The following LRMDA variants were observed in gnomAD, a reference collection of about 807,000 sequenced individuals.
The protein encoded by LRMDA is leucine-rich melanocyte differentiation-associated protein.
In LRMDA, 18 loss-of-function variants were observed where a neutral mutation model predicts 29.8. The observed-to-expected ratio is 0.60, with a 90% confidence interval of 0.42 to 0.90. The LOEUF is 0.90. Among genes scored for constraint, LRMDA ranks in the 40% least tolerant of loss-of-function variants. The probability of loss-of-function intolerance (pLI) is 0.00; values close to 1 mark genes in which losing one functional copy is unlikely to be tolerated. For synonymous variants in LRMDA, 125 were observed against 109.4 expected (o/e 1.14, Z -0.89); for missense variants, 273 against 273.9 (o/e 1.00, Z 0.02).
At chr10:76,215,790 T>A (rs553090421) in intron 5 of LRMDA, among the ~76,000 whole-genome samples, 1 of 152,182 alleles carries the variant, frequency 6.6e-6, no homozygotes, top group African/African-American at 2.4e-5. Context: ...AATAGATTGA[T>A]AAAATGTGGT....
intron 5 of LRMDA, among the ~76,000 whole-genome samples, chr10:76,150,170 C>T (rs372585060): frequency 3.3e-5 from 5 of 152,218 alleles, no homozygotes; most frequent in Admixed American, 6.5e-5. Flanking sequence ...AGCCCCTCCG[C>T]GCTACACACT....
chr10:76,106,910 A>G (rs567612374), intron 5 of LRMDA, among the ~76,000 whole-genome samples: 7 of 152,286 alleles, frequency 4.6e-5, no homozygotes, highest in Admixed American at 1.3e-4. Flanking sequence ...CTTTTGCCAG[A>G]CTGAGGAGAG....
chr10:75,495,835 C>T (rs992477971), intron 2 of LRMDA, among the ~76,000 whole-genome samples: 2 of 152,184 alleles, frequency 1.3e-5, no homozygotes, highest in Non-Finnish European at 2.9e-5. Flanking sequence ...CTGTTGCAAA[C>T]CCAGGTGGTG....
At chr10:76,373,656 TAGAC>T (rs1361383771) in intron 6 of LRMDA, among the ~76,000 whole-genome samples, 1 of 152,134 alleles carries the variant, frequency 6.6e-6, no homozygotes, top group African/African-American at 2.4e-5. Flanking sequence ...GGCCAGTTCC[TAGAC>T]AGTTTTTTTT....
chr10:76,262,183 A>G (rs546764613), intron 5 of LRMDA, among the ~76,000 whole-genome samples: 39 of 152,296 alleles, frequency 2.6e-4, no homozygotes, highest in Non-Finnish European at 2.9e-5. Context: ...AGCTATGTGC[A>G]TGCCACTGTA....
intron 2 of LRMDA, among the ~76,000 whole-genome samples, chr10:75,849,963 G>GT (rs980050958): frequency 2.0e-5 from 3 of 152,050 alleles, no homozygotes; most frequent in African/African-American, 7.2e-5. Flanking sequence ...TTTGCTGAGT[G>GT]TTTTTTTACT....
chr10:75,904,173 G>A (rs1259191353), intron 2 of LRMDA, among the ~76,000 whole-genome samples: 1 of 152,158 alleles, frequency 6.6e-6, no homozygotes, highest in Non-Finnish European at 1.5e-5. Flanking sequence ...ATGATAAGTA[G>A]GGAGAGCATA....
At chr10:76,507,815 G>A (rs1842974250) in intron 6 of LRMDA, among the ~76,000 whole-genome samples, 1 of 151,902 alleles carries the variant, frequency 6.6e-6, no homozygotes, top group African/African-American at 2.4e-5. Flanking sequence ...AAATGCCTGG[G>A]TTTATTTCTG....
chr10:76,169,276 A>G (rs1468115583), intron 5 of LRMDA, among the ~76,000 whole-genome samples: 1 of 152,208 alleles, frequency 6.6e-6, no homozygotes, highest in Non-Finnish European at 1.5e-5. Context: ...ATTCAGCTCA[A>G]GGGAATATTG....
chr10:76,214,329 A>AAC (rs1851687474), intron 5 of LRMDA, among the ~76,000 whole-genome samples: 2 of 131,736 alleles, frequency 1.5e-5, no homozygotes, highest in East Asian at 2.4e-4. Flanking sequence ...ACTTGAACCA[A>AAC]ATTTTTTTTT....
chr10:75,978,900 G>A (rs1255864897), intron 2 of LRMDA, among the ~76,000 whole-genome samples: 9 of 152,026 alleles, frequency 5.9e-5, no homozygotes, highest in Admixed American at 2.0e-4. Flanking sequence ...AGTAAATGCC[G>A]GCATATAGAG....
chr10:75,717,699 T>C (rs1842518377), intron 2 of LRMDA, among the ~76,000 whole-genome samples: 1 of 152,198 alleles, frequency 6.6e-6, no homozygotes, highest in African/African-American at 2.4e-5. Context: ...AGTTGCTGCC[T>C]TCCTCCCCTT....
chr10:75,662,944 A>G (rs7068634), intron 2 of LRMDA, among the ~76,000 whole-genome samples: 20,677 of 152,196 alleles, frequency 0.14, 3,336 homozygotes, highest in African/African-American at 0.37. Flanking sequence ...TTGCGTAACC[A>G]TGGTCTGCTG....
chr10:75,600,413 T>C (rs957186324), intron 2 of LRMDA, among the ~76,000 whole-genome samples: 3 of 152,206 alleles, frequency 2.0e-5, no homozygotes, highest in Non-Finnish European at 2.9e-5. Flanking sequence ...CACTTCTGAA[T>C]TGTGCTTTTG....
intron 6 of LRMDA, among the ~76,000 whole-genome samples, chr10:76,447,817 C>T (rs1842368050): frequency 6.6e-6 from 1 of 152,174 alleles, no homozygotes; most frequent in African/African-American, 2.4e-5. Flanking sequence ...TTGCCTTTGT[C>T]TGTTTCTAAC....
chr10:76,127,241 T>C (rs1439523729), intron 5 of LRMDA, among the ~76,000 whole-genome samples: 1 of 152,152 alleles, frequency 6.6e-6, no homozygotes, highest in Non-Finnish European at 1.5e-5. Context: ...AAATACCATC[T>C]CAAAAAATGC....
At chr10:75,982,827 C>A (rs992154389) in intron 2 of LRMDA, among the ~76,000 whole-genome samples, 12 of 152,174 alleles carry the variant, frequency 7.9e-5, no homozygotes, top group African/African-American at 2.2e-4. Flanking sequence ...TTAATTCTAG[C>A]AGCTTCTATT....
chr10:76,185,844 C>A (rs1012040375), intron 5 of LRMDA, among the ~76,000 whole-genome samples: 2 of 152,018 alleles, frequency 1.3e-5, no homozygotes, highest in Non-Finnish European at 2.9e-5. Context: ...TGTTGCTGTT[C>A]GACTGCCAGA....
chr10:75,804,967 A>C (rs1399392572), intron 2 of LRMDA, among the ~76,000 whole-genome samples: 2 of 152,132 alleles, frequency 1.3e-5, no homozygotes, highest in African/African-American at 4.8e-5. Context: ...CAGGTGGCAA[A>C]GACTGGGCAT....
Sources: gnomAD v4.1 joint callset for allele counts (sites outside exome capture counted in the v4.1 genomes callset) on GRCh38, gnomAD v4.1.1 for gene constraint, MANE v1.5 for transcripts, NCBI Gene and HGNC (gene_info 2026-07-23, HGNC 2026-07-21) for gene names.